PRMT8: variants seen among roughly 807,000 people sequenced by gnomAD.
The protein encoded by PRMT8 is protein arginine methyltransferase 8.
Under a neutral mutation model 47.1 loss-of-function variants are expected in PRMT8, and 7 were observed. The observed-to-expected ratio is 0.15, with a 90% CI of 0.08 to 0.28. The LOEUF (loss-of-function observed/expected upper bound fraction) is 0.28, where lower values mean the gene tolerates loss of function less well. Among genes scored for constraint, PRMT8 ranks in the 10% least tolerant of loss-of-function variants. The pLI, the probability that PRMT8 is intolerant of heterozygous loss-of-function variation, is 1.00. For synonymous variants in PRMT8, 188 were observed against 186.5 expected, an observed-to-expected ratio of 1.01 and a Z score of -0.07; for missense variants, 237 against 505.4, an observed-to-expected ratio of 0.47 and a Z score of 5.09.
At chr12:3,575,836 T>C (rs1232334228) in intron 6 of PRMT8, among the ~76,000 whole-genome samples, 1 of 152,140 alleles carries the variant, frequency 6.6e-6, no homozygotes, top group Non-Finnish European at 1.5e-5. Flanking sequence ...CTGGCCAACA[T>C]GGCGAAACCC....
chr12:3,540,690 A>C lies in PRMT8; in HGVS notation c.160A>C (p.Ser54Arg). The C allele has an allele frequency of 7.2e-7, 1 of 1,379,672 alleles. No individual in the cohort carries two copies. Among genetic ancestry groups the C allele is most frequent in the Non-Finnish European group, 9.6e-7 (1 of 1,041,238 alleles). 85.5% of individuals were successfully genotyped at this position (1,379,672 alleles called of 1,614,324 possible). Reference sequence around the variant, plus strand: ...CGTCCATCATGTGTCCACTCAACCCAGCTGCCCAGGACGGGGCAAGATGTC... The same window carrying C: ...CGTCCATCATGTGTCCACTCAACCCCGCTGCCCAGGACGGGGCAAGATGTC... The part of the protein sequence containing the change: ...QCVHHVSTQP[S>R]CPGRGKMSKL... Residue 54 changes from serine to arginine, a missense_variant, in exon 2 of 10, where the codon AGC becomes CGC. This residue lies in a region of PRMT8 where 43 missense variants were observed against 32.4 expected (regional missense o/e 1.33). Coordinates refer to ENST00000382622, the MANE Select transcript of PRMT8 (RefSeq NM_019854.5).
At chr12:3,592,088 A>G in intron 8 of PRMT8, 143 bp from the exon 9 acceptor site, 1 of 914,376 alleles carries the variant, frequency 1.1e-6, no homozygotes, top group Non-Finnish European at 1.6e-6. Flanking sequence ...TATGCACCTG[A>G]CCCAACAAGA....
chr12:3,568,405 G>C (rs1181436687), intron 4 of PRMT8, among the ~76,000 whole-genome samples: 1 of 148,312 alleles, frequency 6.7e-6, no homozygotes, highest in African/African-American at 2.5e-5. Context: ...GGTTGTTAAG[G>C]GTCAGTTGTA....
chr12:3,467,066 C>T (rs1300801980), intron 1 of PRMT8, among the ~76,000 whole-genome samples: 2 of 151,728 alleles, frequency 1.3e-5, no homozygotes, highest in African/African-American at 2.4e-5. Context: ...GGGGAAACCC[C>T]GTCTCTACTA....
chr12:3,586,902 G>A (rs1210873790), intron 8 of PRMT8, among the ~76,000 whole-genome samples: 2 of 152,334 alleles, frequency 1.3e-5, no homozygotes, highest in East Asian at 3.9e-4. Context: ...GTAGCAATGG[G>A]GGTGGGAGAA....
At chr12:3,507,514 A>G (rs1395194276) in intron 1 of PRMT8, among the ~76,000 whole-genome samples, 3 of 152,088 alleles carry the variant, frequency 2.0e-5, no homozygotes, top group African/African-American at 7.2e-5. Flanking sequence ...TCTCTCTGAC[A>G]AGCAGTTATG....
chr12:3,540,613 G>GGCCCCCCCCC lies in PRMT8; in HGVS notation c.83_84insGCCCCCCCCC (p.Ser28ArgfsTer17). 17 of 1,130,518 alleles carry GGCCCCCCCCC rather than the reference G, an allele frequency of 1.5e-5. No homozygotes were observed. The highest frequency in any genetic ancestry group is 1.9e-5 in the Non-Finnish European group (14 of 752,492). The allele number at this position is 1,130,518 out of a possible 1,614,324, so 70.0% of individuals were successfully genotyped here. A position where few individuals can be genotyped will look rare whatever the true frequency, so the allele number is the denominator to read the frequency against. On this transcript the variant is annotated frameshift_variant, in exon 2 of 10. Coordinates refer to ENST00000382622, the MANE Select transcript of PRMT8 (RefSeq NM_019854.5). LOFTEE classifies it high-confidence loss of function. ...CCCTTCTCTTCCCCTCAGGTGAACA[G>GGCCCCCCCCC]CCCCCCCTCCCAGCCCCCCCAGCCC...
chr12:3,591,304 C>G (rs967847327), intron 8 of PRMT8, among the ~76,000 whole-genome samples: 2 of 151,676 alleles, frequency 1.3e-5, no homozygotes, highest in Admixed American at 1.3e-4. Context: ...TCCCTCATTT[C>G]TTTCTGATCT....
At chr12:3,571,594 A>G (rs1382635346) in intron 6 of PRMT8, among the ~76,000 whole-genome samples, 2 of 151,862 alleles carry the variant, frequency 1.3e-5, no homozygotes, top group African/African-American at 2.4e-5. Context: ...TTTGATTCTC[A>G]TTGCAGTGTT....
chr12:3,434,200 G>A (rs935107535), intron 1 of PRMT8, among the ~76,000 whole-genome samples: 1 of 152,158 alleles, frequency 6.6e-6, no homozygotes, highest in African/African-American at 2.4e-5. Context: ...TTTAGGGACT[G>A]TTGAGAAATC....
chr12:3,398,734 G>T (rs1864288306), intron 1 of PRMT8, among the ~76,000 whole-genome samples: 2 of 152,156 alleles, frequency 1.3e-5, no homozygotes, highest in South Asian at 4.1e-4. Flanking sequence ...ATGATGTGTT[G>T]TGCCCCTGGG....
intron 8 of PRMT8, among the ~76,000 whole-genome samples, chr12:3,590,262 A>G (rs1402226777): frequency 6.6e-6 from 1 of 152,188 alleles, no homozygotes; most frequent in Non-Finnish European, 1.5e-5. Context: ...TCTCCAAACC[A>G]CTGACATTTG....
At chr12:3,458,319 C>A (rs140604143) in intron 1 of PRMT8, among the ~76,000 whole-genome samples, 11 of 152,362 alleles carry the variant, frequency 7.2e-5, no homozygotes, top group African/African-American at 2.6e-4. Flanking sequence ...GGCTGCATAT[C>A]ACTCCATCCT....
rs372507226 is a variant in PRMT8, at chr12:3,470,224, T to C, written c.49-70382T>C. Among the ~76,000 whole-genome samples, 16 of 152,314 alleles carry C rather than the reference T, an allele frequency of 1.1e-4. No individual in the cohort carries two copies. The East Asian group carries it at 1.2e-3, about 11-fold the overall frequency. ...GTGTGTGGAGAGGCAAACATCCCCA[T>C]AGTCCTCAGGATCCCCTGAGAGGGG... On this transcript the variant is annotated intron_variant, in intron 1 of 9. Coordinates refer to the PRMT8 transcript ENST00000452611.
chr12:3,567,839 C>T (rs1027109494), intron 4 of PRMT8, among the ~76,000 whole-genome samples: 37 of 152,114 alleles, frequency 2.4e-4, no homozygotes, highest in East Asian at 3.9e-4. Flanking sequence ...TTTGGGAGGC[C>T]GAGGCGGGTA....
At position 3,496,548 on chromosome 12, in the gene PRMT8, G is replaced by T. The variant is rs1024084603; in HGVS notation, c.75+4848G>T. ...GCAGAGTGTGTACACTAACTAGTAGGCTATGGAGACAGACTTCCTGGTTTT... is the reference window on the plus strand; with the variant it reads ...GCAGAGTGTGTACACTAACTAGTAGTCTATGGAGACAGACTTCCTGGTTTT... On this transcript the variant is annotated intron_variant, in intron 1 of 9. Transcript: ENST00000382622. Among the ~76,000 whole-genome samples the T allele has an allele frequency of 2.6e-5, 4 of 151,942 alleles. No individual in the cohort carries two copies. The South Asian group carries it at 8.3e-4, about 32-fold the overall frequency.
At chr12:3,462,244 A>G (rs921408295) in intron 1 of PRMT8, among the ~76,000 whole-genome samples, 2 of 152,048 alleles carry the variant, frequency 1.3e-5, no homozygotes, top group African/African-American at 2.4e-5. Flanking sequence ...TATGCCGTGA[A>G]TGTTCATTGC....
rs556004488 is a variant in PRMT8 at position 3,564,625 on chromosome 12, C to T, written c.482-4081C>T. Reference sequence around the variant, plus strand: ...TACCAGCCAGAGTCCTGTCATAGTTCGTTGAACAAACTTTCCATCATCCTT... The same window carrying T: ...TACCAGCCAGAGTCCTGTCATAGTTTGTTGAACAAACTTTCCATCATCCTT... On this transcript the variant is annotated intron_variant, in intron 4 of 9. Coordinates refer to ENST00000382622, the MANE Select transcript of PRMT8 (RefSeq NM_019854.5). The surrounding 1 kb of genome is among the most constrained non-coding windows in gnomAD (Gnocchi z 4.0). Among the ~76,000 whole-genome samples, 3 of 152,212 alleles carry T rather than the reference C, an allele frequency of 2.0e-5. No individual in the cohort carries two copies. The South Asian group carries it at 6.2e-4, about 31-fold the overall frequency.
chr12:3,543,018 A>G (rs1866258960), intron 2 of PRMT8, among the ~76,000 whole-genome samples: 1 of 152,226 alleles, frequency 6.6e-6, no homozygotes, highest in Non-Finnish European at 1.5e-5. Context: ...GTACTTATGG[A>G]AAAGTCAAGC....
Sources: allele counts gnomAD v4.1 joint callset (sites outside exome capture counted in the v4.1 genomes callset), GRCh38; gene constraint gnomAD v4.1.1; regional missense constraint gnomAD v4.1.1; non-coding constraint Gnocchi (gnomAD v3.1); transcripts MANE v1.5; gene names NCBI Gene and HGNC (gene_info 2026-07-23, HGNC 2026-07-21).